The following TPT1 variants were observed in gnomAD, a reference collection of about 807,000 sequenced individuals.
The protein encoded by TPT1 is translationally-controlled tumor protein.
In TPT1, 5 loss-of-function variants were observed where a neutral mutation model predicts 22.8. That is an observed-to-expected ratio of 0.22 (90% CI 0.11 to 0.46). The LOEUF is 0.46. Ranked by LOEUF, TPT1 falls within the 20% of genes least tolerant of loss-of-function variation. The probability of loss-of-function intolerance (pLI) is 0.99; values close to 1 mark genes in which losing one functional copy is unlikely to be tolerated. For missense variants in TPT1, 130 were observed against 218.7 expected, an observed-to-expected ratio of 0.59 and a Z score of 2.56; for synonymous variants, 89 against 73.6, an observed-to-expected ratio of 1.21 and a Z score of -1.07.
chr13:45,337,491 C>A (rs749831593), intron 5 of TPT1, 103 bp from the exon 6 acceptor site: 1 of 1,614,092 alleles, frequency 6.2e-7, no homozygotes, highest in Non-Finnish European at 8.5e-7. Flanking sequence ...GATGTATTCC[C>A]CAATTCAATC....
intron 5 of TPT1, chr13:45,337,695 C>G: frequency 1.3e-6 from 1 of 799,406 alleles, no homozygotes; most frequent in Admixed American, 2.0e-5. Context: ...ACAAAAACCT[C>G]AGATACTGTC....
chr13:45,335,210 A>C lies in TPT1; in HGVS notation c.*2176T>G, dbSNP rs1045570595. On this transcript the variant is annotated 3_prime_UTR_variant, in exon 6 of 6. Transcript: ENST00000530705. ...ATGAGACAGTCTTCAAAGTCTGAGA[A>C]GATTCTACCTGGAATCTTCAAAGGT... 1.3e-5 allele frequency: 2 copies of C among 152,242 alleles called. No homozygotes were observed. The highest frequency in any genetic ancestry group is 2.4e-5 in the African/African-American group (1 of 41,454). 9.4% of individuals were successfully genotyped at this position (152,242 alleles called of 1,614,324 possible).
Position 45,339,411 on chromosome 13 carries a change from T to C in TPT1, c.399+86A>G, listed in dbSNP as rs187228058. 171 of 1,202,130 alleles carry C rather than the reference T, an allele frequency of 1.4e-4. No homozygotes were observed. The African/African-American group carries it at 1.9e-3, about 14-fold the overall frequency. 74.5% of individuals were successfully genotyped at this position (1,202,130 alleles called of 1,614,324 possible). A position where few individuals can be genotyped will look rare whatever the true frequency, so the allele number is the denominator to read the frequency against. ...CCACTTTCTACACCTGGAATACTAG[T>C]ATAGAATTGAAGATTAATCAACTTA... is the stretch of plus-strand genomic sequence containing the variant. On this transcript the variant is annotated intron_variant, in intron 4 of 5. Transcript: ENST00000530705.
chr13:45,338,885 C>G, intron 4 of TPT1, 109 bp from the exon 5 acceptor site: 1 of 874,644 alleles, frequency 1.1e-6, no homozygotes, highest in Non-Finnish European at 1.7e-6. Flanking sequence ...AAAATCAAAA[C>G]TTCAGTACCC....
rs1878570665 is a variant in TPT1, at chr13:45,334,818, C to T, written c.*2568G>A. On this transcript the variant is annotated 3_prime_UTR_variant, in exon 6 of 6. Transcript: ENST00000530705. ...CTGGTCTTCCTTCCTTGCACACTCC[C>T]ACTGCTTTACAACCCTTCCTGTCTT... 6.6e-6 allele frequency: 1 copy of T among 152,214 alleles called. No homozygotes were observed. The highest frequency in any genetic ancestry group is 1.5e-5 in the Non-Finnish European group (1 of 68,042). 9.4% of individuals were successfully genotyped at this position (152,214 alleles called of 1,614,324 possible).
At position 45,337,025 on chromosome 13, in the gene TPT1, T is replaced by A; in HGVS notation, c.*361A>T. 3.8e-6 allele frequency: 1 copy of A among 266,560 alleles called. No homozygotes were observed. Among genetic ancestry groups the A allele is most frequent in the Non-Finnish European group, 7.2e-6 (1 of 138,702 alleles). The allele number at this position is 266,560 out of a possible 1,614,324, so 16.5% of individuals were successfully genotyped here. Reference sequence around the variant, plus strand: ...TATTGCAACTCAAAATCAGAACCTTTGATTCTTTTTTATATTCCAGTCCCA... The same window carrying A: ...TATTGCAACTCAAAATCAGAACCTTAGATTCTTTTTTATATTCCAGTCCCA... On this transcript the variant is annotated 3_prime_UTR_variant, in exon 6 of 6. Transcript: ENST00000530705.
intron 5 of TPT1, among the ~76,000 whole-genome samples, chr13:45,337,863 C>T (rs1878812822): frequency 6.6e-6 from 1 of 152,210 alleles, no homozygotes; most frequent in Non-Finnish European, 1.5e-5. Flanking sequence ...TGTACAGCTT[C>T]CAGCAGTTCC....
chr13:45,338,847 A>T (rs1878889377), intron 4 of TPT1, 71 bp from the exon 5 acceptor site: 1 of 1,307,326 alleles, frequency 7.6e-7, no homozygotes. Flanking sequence ...AACAAACTAC[A>T]GTACAAGGGA....
chr13:45,340,550 G>A, intron 2 of TPT1, 162 bp downstream of exon 2: 1 of 922,120 alleles, frequency 1.1e-6, no homozygotes, highest in Non-Finnish European at 1.7e-6. Flanking sequence ...CTATTTCCAG[G>A]ATCAGCTCCG....
At position 45,339,590 on chromosome 13, in the gene TPT1, T is replaced by C; in HGVS notation, c.306A>G (p.Lys102=). 4 of 1,612,696 alleles carry C rather than the reference T, an allele frequency of 2.5e-6. No individual in the cohort carries two copies. The highest frequency in any genetic ancestry group is 3.4e-6 in the Non-Finnish European group (4 of 1,179,574). Residue 102 remains lysine, a synonymous_variant, in exon 4 of 6, where the codon AAA becomes AAG. Transcript: ENST00000530705. Reference sequence around the variant, plus strand: ...CTCTTTCTGGTCTCTGTTCTTCAAGTTTCCCTTTGATTCTAAAACAACATT... The same window carrying C: ...CTCTTTCTGGTCTCTGTTCTTCAAGCTTCCCTTTGATTCTAAAACAACATT... ...IKDYMKSIKG[K]LEEQRPERVK... is the part of the protein sequence containing the mutation.
chr13:45,340,941 C>T, intron 1 of TPT1, 101 bp downstream of exon 1: 3 of 1,541,376 alleles, frequency 1.9e-6, no homozygotes, highest in Non-Finnish European at 2.6e-6. Flanking sequence ...CGGCTAAGAC[C>T]GCCGGCGTCC....
rs1280032673 is a variant in TPT1, at chr13:45,336,229, CAG to C, written c.*1155_*1156del. The C allele has an allele frequency of 6.6e-6, 1 of 152,206 alleles. No homozygotes were observed. Among genetic ancestry groups the C allele is most frequent in the Non-Finnish European group, 1.5e-5 (1 of 68,056 alleles). 9.4% of individuals were successfully genotyped at this position (152,206 alleles called of 1,614,324 possible). On this transcript the variant is annotated 3_prime_UTR_variant, in exon 6 of 6. Transcript: ENST00000530705. The stretch of plus-strand genomic sequence containing the variant: ...GGGAAAATGGCTTGAGCACAGGATG[CAG>C]AGAATGCAGTGAGTTGCTTGTGCCA...
In TPT1 at chr13:45,337,298, A is replaced by G; in HGVS notation, c.*88T>C. On this transcript the variant is annotated 3_prime_UTR_variant, in exon 6 of 6. Transcript: ENST00000530705. The stretch of plus-strand genomic sequence containing the variant: ...AAGAGCTCAAGATGACATCAGTCCC[A>G]TTTGTCTTAAGTCCTGGTGTTGTGT... 1.6e-6 allele frequency: 2 copies of G among 1,285,832 alleles called. No homozygotes were observed. Among genetic ancestry groups the G allele is most frequent in the South Asian group, 1.2e-5 (1 of 82,944 alleles). 79.7% of individuals were successfully genotyped at this position (1,285,832 alleles called of 1,614,324 possible). A position where few individuals can be genotyped will look rare whatever the true frequency, so the allele number is the denominator to read the frequency against.
rs1435006333 is a variant in TPT1 at position 45,336,184 on chromosome 13, G to C, written c.*1202C>G. On this transcript the variant is annotated 3_prime_UTR_variant, in exon 6 of 6. Coordinates refer to ENST00000530705, the MANE Select transcript of TPT1 (RefSeq NM_003295.4). ...ATAGGGGTGCATGCCTGCAGTCCCA[G>C]CAACTAGTGAGACTGAGGTGGGAAA... 6.6e-6 allele frequency: 1 copy of C among 152,232 alleles called. No homozygotes were observed. The highest frequency in any genetic ancestry group is 1.5e-5 in the Non-Finnish European group (1 of 68,060). 9.4% of individuals were successfully genotyped at this position (152,232 alleles called of 1,614,324 possible). A position where few individuals can be genotyped will look rare whatever the true frequency, so the allele number is the denominator to read the frequency against.
intron 2 of TPT1, chr13:45,340,433 G>A (rs1369716428): frequency 4.0e-6 from 3 of 741,874 alleles, no homozygotes; most frequent in Non-Finnish European, 7.1e-6. Flanking sequence ...GATGCCTCCG[G>A]TTGGTAAGTG....
chr13:45,340,468 T>G (rs1221780810), intron 2 of TPT1: 1 of 738,152 alleles, frequency 1.4e-6, no homozygotes, highest in Non-Finnish European at 2.4e-6. Flanking sequence ...ACGAAAGGAC[T>G]CCAGGCTCCT....
Position 45,341,180 on chromosome 13 carries a change from A to C in TPT1, c.-111T>G. 6.9e-7 allele frequency: 1 copy of C among 1,441,994 alleles called. No individual in the cohort carries two copies. Among genetic ancestry groups the C allele is most frequent in the Non-Finnish European group, 9.5e-7 (1 of 1,048,374 alleles). The allele number at this position is 1,441,994 out of a possible 1,614,324, so 89.3% of individuals were successfully genotyped here. ...TCGGGGGGAGGGGGGAGCGGGCGGA[A>C]AAGGCCGACTCAGCCGCTCCCCAAC... On this transcript the variant is annotated 5_prime_UTR_variant, in exon 1 of 6. Coordinates refer to ENST00000530705, the MANE Select transcript of TPT1 (RefSeq NM_003295.4).
intron 2 of TPT1, 27 bp downstream of exon 2, chr13:45,340,685 C>T (rs1879049638): frequency 1.3e-6 from 2 of 1,560,546 alleles, no homozygotes; most frequent in Non-Finnish European, 1.7e-6. Context: ...GCCCGGACTC[C>T]CCCACGCGCA....
chr13:45,337,480 A>G (rs1566175622), intron 5 of TPT1, 92 bp from the exon 6 acceptor site: 1 of 1,614,168 alleles, frequency 6.2e-7, no homozygotes, highest in South Asian at 1.1e-5. Flanking sequence ...TCCAGGCTAA[A>G]GATGTATTCC....
Sources: allele counts gnomAD v4.1 joint callset (sites outside exome capture counted in the v4.1 genomes callset), GRCh38; gene constraint gnomAD v4.1.1; transcripts MANE v1.5; gene names NCBI Gene and HGNC (gene_info 2026-07-23, HGNC 2026-07-21).